The following ROBO1 variants were observed in gnomAD, a reference collection of about 807,000 sequenced individuals.
ROBO1 encodes the protein roundabout guidance receptor 1, also known as roundabout homolog 1.
A neutral mutation model predicts 195.9 loss-of-function variants in ROBO1; 149 were observed. The ratio of observed to expected loss-of-function variants is 0.76; its 90% CI spans 0.67 to 0.87. The LOEUF is 0.87. ROBO1 is among the 40% of genes least tolerant of loss of function. The pLI is 0.00. For missense variants in ROBO1, 1,933 were observed against 2,068.3 expected (o/e 0.93, Z 1.27); for synonymous variants, 816 against 733.2 (o/e 1.11, Z -1.82).
intron 2 of ROBO1, among the ~76,000 whole-genome samples, chr3:79,572,822 C>T (rs1341173035): frequency 1.3e-5 from 2 of 152,148 alleles, no homozygotes; most frequent in African/African-American, 4.8e-5. Context: ...AGAAAATAGA[C>T]TGGTTTGGTC....
chr3:79,170,692 A>G (rs2108692419), intron 2 of ROBO1, among the ~76,000 whole-genome samples: 1 of 152,226 alleles, frequency 6.6e-6, no homozygotes, highest in African/African-American at 2.4e-5. Context: ...TATTATTACC[A>G]GTGAATTAGA....
chr3:79,739,259 C>T (rs1479031995), intron 1 of ROBO1, among the ~76,000 whole-genome samples: 4 of 152,146 alleles, frequency 2.6e-5, no homozygotes, highest in African/African-American at 9.7e-5. Flanking sequence ...TCAAAAGCCT[C>T]TAAGACTGCC....
chr3:79,677,527 G>A (rs1485223601), intron 1 of ROBO1, among the ~76,000 whole-genome samples: 8 of 152,052 alleles, frequency 5.3e-5, no homozygotes, highest in African/African-American at 1.7e-4. Flanking sequence ...TCACTATCAT[G>A]AGAACAGCAC....
intron 2 of ROBO1, among the ~76,000 whole-genome samples, chr3:79,329,203 C>A (rs892892740): frequency 6.6e-6 from 1 of 152,142 alleles, no homozygotes; most frequent in Non-Finnish European, 1.5e-5. Context: ...TGTCTATTCT[C>A]GCTTCCACAT....
chr3:78,918,121 G>A (rs1212809414), intron 4 of ROBO1, among the ~76,000 whole-genome samples: 1 of 152,152 alleles, frequency 6.6e-6, no homozygotes, highest in Non-Finnish European at 1.5e-5. Context: ...GAGCATTCAA[G>A]TCTGTGAATA....
intron 4 of ROBO1, among the ~76,000 whole-genome samples, chr3:78,885,431 A>AAC (rs1553756506): frequency 6.7e-6 from 1 of 149,460 alleles, no homozygotes; most frequent in African/African-American, 2.4e-5. Flanking sequence ...AAAAAAAAAA[A>AAC]AAAAAAAAAA....
At chr3:79,319,564 T>C (rs991787) in intron 2 of ROBO1, among the ~76,000 whole-genome samples, 151,577 of 152,238 alleles carry the variant, frequency 1, 75,462 homozygotes, top group East Asian at 1. Context: ...CTAAAGGACT[T>C]AAAATAAACA....
chr3:79,532,877 G>A (rs891740072), intron 2 of ROBO1: 2 of 181,956 alleles, frequency 1.1e-5, no homozygotes, highest in African/African-American at 4.8e-5. Flanking sequence ...TACACTGCGA[G>A]CAATTCCAGC....
intron 2 of ROBO1, among the ~76,000 whole-genome samples, chr3:79,157,441 G>A (rs1035562540): frequency 1.3e-5 from 2 of 151,874 alleles, no homozygotes; most frequent in Admixed American, 6.6e-5. Context: ...CTCAGCTCAG[G>A]CCAGAGAGCT....
rs533214154 is a variant in ROBO1 at position 78,608,246 on chromosome 3, G to A, written c.4436-1205C>T. 3.3e-5 allele frequency among the ~76,000 whole-genome samples: 5 copies of A among 151,842 alleles called. No homozygotes were observed. In the South Asian group the frequency reaches 1.0e-3, roughly 32 times the overall value. On this transcript the variant is annotated intron_variant, in intron 28 of 30. Coordinates refer to ENST00000464233, the MANE Select transcript of ROBO1 (RefSeq NM_002941.4). Reference sequence around the variant, plus strand: ...CCCACCTCAGCCTCCTGAGAAACTGGGACTACATGCCACCACACCCGATTA... The same window carrying A: ...CCCACCTCAGCCTCCTGAGAAACTGAGACTACATGCCACCACACCCGATTA...
Position 79,272,147 on chromosome 3 carries a change from A to T in ROBO1, c.89-146608T>A, listed in dbSNP as rs113791405. ...TGTAATGTGCCAGGCACTTTAATAC[A>T]TACTGAGGAAAGGAGGATATAAGTA... On this transcript the variant is annotated intron_variant, in intron 2 of 30. Coordinates refer to ENST00000464233, the MANE Select transcript of ROBO1 (RefSeq NM_002941.4). Among the ~76,000 whole-genome samples the T allele has an allele frequency of 7.7e-4, 117 of 152,214 alleles. 1 individual carries two copies. Among genetic ancestry groups the T allele is most frequent in the African/African-American group, 2.7e-3 (114 of 41,572 alleles).
At chr3:79,587,624 T>G (rs1693741193) in intron 2 of ROBO1, among the ~76,000 whole-genome samples, 1 of 151,570 alleles carries the variant, frequency 6.6e-6, no homozygotes, top group South Asian at 2.1e-4. Context: ...AGAAATTATG[T>G]TTTTTTTAAA....
intron 2 of ROBO1, among the ~76,000 whole-genome samples, chr3:79,263,574 T>A (rs190008041): frequency 7.2e-4 from 109 of 151,872 alleles, no homozygotes; most frequent in Middle Eastern, 3.4e-3. Context: ...AGCCCAGGAG[T>A]TTAAGGCTAC....
chr3:78,643,677 A>G (rs940555815), intron 21 of ROBO1, among the ~76,000 whole-genome samples: 1 of 152,146 alleles, frequency 6.6e-6, no homozygotes, highest in African/African-American at 2.4e-5. Context: ...TATTCTAAAC[A>G]TGATAGGTCC....
At chr3:79,071,340 T>G (rs1433803763) in intron 3 of ROBO1, among the ~76,000 whole-genome samples, 2 of 151,882 alleles carry the variant, frequency 1.3e-5, no homozygotes, top group African/African-American at 4.8e-5. Context: ...TTTATCACTT[T>G]GGTTTTCTTC....
At chr3:78,788,365 G>T (rs577397560) in intron 4 of ROBO1, among the ~76,000 whole-genome samples, 1 of 132,914 alleles carries the variant, frequency 7.5e-6, no homozygotes, top group Admixed American at 8.5e-5. Context: ...TGATCCACCC[G>T]CCTCGGCCTC....
intron 2 of ROBO1, among the ~76,000 whole-genome samples, chr3:79,496,007 G>T (rs915468236): frequency 1.3e-5 from 2 of 152,108 alleles, no homozygotes; most frequent in South Asian, 4.1e-4. Context: ...GAGTTTAGGA[G>T]TTGGAGACCA....
intron 4 of ROBO1, among the ~76,000 whole-genome samples, chr3:78,923,829 G>A (rs141218864): frequency 2.6e-5 from 4 of 152,214 alleles, no homozygotes; most frequent in Admixed American, 2.0e-4. Flanking sequence ...GAAGGCGAAG[G>A]AGGCGATGCA....
chr3:78,719,189 C>T (rs2081981817), intron 5 of ROBO1, among the ~76,000 whole-genome samples: 1 of 152,104 alleles, frequency 6.6e-6, no homozygotes, highest in Admixed American at 6.6e-5. Context: ...TTCTCTGCAT[C>T]GTTCATCATT....
Sources: allele counts gnomAD v4.1 joint callset (sites outside exome capture counted in the v4.1 genomes callset), GRCh38; gene constraint gnomAD v4.1.1; transcripts MANE v1.5; gene names NCBI Gene and HGNC (gene_info 2026-07-23, HGNC 2026-07-21).